ANXA8: variants seen among roughly 807,000 people sequenced by gnomAD.
The protein encoded by ANXA8 is VAC-beta.
ANXA8 carries 9 observed loss-of-function variants against 26.8 expected under a neutral mutation model. The observed-to-expected ratio is 0.34, with a 90% CI of 0.20 to 0.59. The LOEUF (loss-of-function observed/expected upper bound fraction) is 0.59. Among genes scored for constraint, ANXA8 ranks in the 20% least tolerant of loss-of-function variants. The probability of loss-of-function intolerance (pLI) is 0.84; values close to 1 mark genes in which losing one functional copy is unlikely to be tolerated. For missense variants in ANXA8, 83 were observed against 238.5 expected, an observed-to-expected ratio of 0.35 and a Z score of 4.29; for synonymous variants, 39 against 94.8, an observed-to-expected ratio of 0.41 and a Z score of 3.42.
the ANXA8 span, among the ~76,000 whole-genome samples, chr10:47,960,705 T>C: frequency 1.3e-5 from 2 of 148,170 alleles, no homozygotes; most frequent in East Asian, 2.1e-4. Context: ...TAATTGAACA[T>C]TGTAAGCACC....
chr10:47,484,239 TCTTAGCTCCAGCCTGC>T (rs1265477692), upstream of ANXA8: 1 of 698,918 alleles, frequency 1.4e-6, no homozygotes, highest in African/African-American at 1.8e-5. Context: ...TACTGGAAAT[TCTTAGCTCCAGCCTGC>T]GAAAGCCCCA....
At chr10:47,611,761 G>C in the ANXA8 span, among the ~76,000 whole-genome samples, 13 of 71,736 alleles carry the variant, frequency 1.8e-4, 6 homozygotes, top group Non-Finnish European at 4.6e-4. Context: ...GCTCTTCTAA[G>C]TTTCTATAAA....
rs2132439463 is a variant in ANXA8 at position 47,484,014 on chromosome 10, C to T, written c.-81G>A. The T allele has an allele frequency of 6.2e-7, 1 of 1,611,618 alleles. No homozygotes were observed. Among genetic ancestry groups the T allele is most frequent in the Non-Finnish European group, 8.5e-7 (1 of 1,179,830 alleles). Reference sequence around the variant, plus strand: ...CTGCTGGGACTCCACACGTCTGGCTCCTGCAGCTGAGGAGTGAGCAGGCCG... The same window carrying T: ...CTGCTGGGACTCCACACGTCTGGCTTCTGCAGCTGAGGAGTGAGCAGGCCG... On this transcript the variant is annotated 5_prime_UTR_variant, in exon 1 of 12. Transcript: ENST00000585281.
At chr10:47,659,877 C>T in the ANXA8 span, among the ~76,000 whole-genome samples, 2 of 151,410 alleles carry the variant, frequency 1.3e-5, no homozygotes, top group Non-Finnish European at 2.9e-5. Flanking sequence ...CCACCTGAGC[C>T]ACCTGAGTAG....
the ANXA8 span, among the ~76,000 whole-genome samples, chr10:47,762,437 A>AC: frequency 1.2e-4 from 15 of 120,788 alleles, no homozygotes; most frequent in African/African-American, 4.4e-4. Context: ...AGAAGGCCGG[A>AC]CCCCCCACAC....
At chr10:47,957,898 A>C in the ANXA8 span, among the ~76,000 whole-genome samples, 5 of 150,270 alleles carry the variant, frequency 3.3e-5, no homozygotes, top group Admixed American at 3.3e-4. Flanking sequence ...TGTAAAAATT[A>C]CTCCTGCAAT....
At chr10:47,487,891 G>A (rs1184121778), upstream of ANXA8, among the ~76,000 whole-genome samples, 1 of 150,532 alleles carries the variant, frequency 6.6e-6, no homozygotes, top group Admixed American at 6.6e-5. Flanking sequence ...TCCAAGATTA[G>A]GCCAAAGTCT....
chr10:47,645,086 T>TAC, the ANXA8 span, among the ~76,000 whole-genome samples: 2 of 151,764 alleles, frequency 1.3e-5, no homozygotes, highest in South Asian at 4.1e-4. Context: ...CTAGTGATTA[T>TAC]ACTTTCTTCA....
the ANXA8 span, among the ~76,000 whole-genome samples, chr10:47,778,913 GA>G: frequency 6.6e-6 from 1 of 150,942 alleles, no homozygotes; most frequent in Non-Finnish European, 1.5e-5. Flanking sequence ...GATATGATAT[GA>G]TATGATATGA....
chr10:47,951,170 G>A, the ANXA8 span, among the ~76,000 whole-genome samples: 275 of 149,348 alleles, frequency 1.8e-3, 11 homozygotes, highest in African/African-American at 6.5e-3. Flanking sequence ...GAAGCTTTAC[G>A]GCAACAAATT....
chr10:47,482,153 G>A (rs1839845116), intron 1 of ANXA8, among the ~76,000 whole-genome samples: 1 of 136,128 alleles, frequency 7.3e-6, no homozygotes, highest in African/African-American at 2.9e-5. Flanking sequence ...GTGCCTAGAG[G>A]ACACTGGGTC....
chr10:47,704,970 A>G, the ANXA8 span, among the ~76,000 whole-genome samples: 1 of 152,102 alleles, frequency 6.6e-6, no homozygotes, highest in South Asian at 2.1e-4. Flanking sequence ...TTCCATAAAA[A>G]TCCTCGTAAG....
the ANXA8 span, among the ~76,000 whole-genome samples, chr10:47,604,844 T>A: frequency 6.6e-6 from 1 of 152,330 alleles, no homozygotes; most frequent in South Asian, 2.1e-4. Flanking sequence ...GTTTACTTAA[T>A]GATTATTCCA....
chr10:47,733,237 T>TTCTTTCTG, the ANXA8 span, among the ~76,000 whole-genome samples: 1 of 55,830 alleles, frequency 1.8e-5, no homozygotes, highest in African/African-American at 7.4e-5. Flanking sequence ...CTTTCTCTCT[T>TTCTTTCTG]TCTTTCTTTC....
chr10:47,555,993 A>G, the ANXA8 span, among the ~76,000 whole-genome samples: 3 of 151,962 alleles, frequency 2.0e-5, no homozygotes, highest in Admixed American at 2.0e-4. Context: ...AAAGGACAGT[A>G]ATGTATTCCC....
the ANXA8 span, among the ~76,000 whole-genome samples, chr10:47,584,199 G>C: frequency 1.3e-5 from 2 of 149,604 alleles, no homozygotes; most frequent in Non-Finnish European, 2.9e-5. Context: ...CAACTGGTAG[G>C]AAAACGCACC....
chr10:47,684,689 G>A, the ANXA8 span, among the ~76,000 whole-genome samples: 2 of 151,778 alleles, frequency 1.3e-5, no homozygotes, highest in African/African-American at 4.8e-5. Flanking sequence ...GGGTTCAAGC[G>A]ATTCTCCTGC....
chr10:47,649,388 A>G, the ANXA8 span, among the ~76,000 whole-genome samples: 10 of 151,526 alleles, frequency 6.6e-5, no homozygotes, highest in African/African-American at 2.4e-4. Flanking sequence ...CAGCAAATAG[A>G]TAAATTGGAC....
chr10:47,742,925 C>T, the ANXA8 span, among the ~76,000 whole-genome samples: 10 of 137,120 alleles, frequency 7.3e-5, no homozygotes, highest in Admixed American at 1.6e-4. Flanking sequence ...GAGGCTGAGG[C>T]GGGCAGATCA....
Sources: allele counts gnomAD v4.1 joint callset (sites outside exome capture counted in the v4.1 genomes callset), GRCh38; gene constraint gnomAD v4.1.1; transcripts MANE v1.5; gene names NCBI Gene and HGNC (gene_info 2026-07-23, HGNC 2026-07-21).